PDLIM5: variants seen among roughly 807,000 people sequenced by gnomAD.
The protein encoded by PDLIM5 is PDZ and LIM domain protein 5.
In PDLIM5, 34 loss-of-function variants were observed where a neutral mutation model predicts 64.2. That is an observed-to-expected ratio of 0.53 (90% CI 0.40 to 0.71). The LOEUF is 0.71. Ranked by LOEUF, PDLIM5 falls within the 30% of genes least tolerant of loss-of-function variation. The pLI, the probability that PDLIM5 is intolerant of heterozygous loss-of-function variation, is 0.00. For synonymous variants in PDLIM5, 253 were observed against 269.1 expected, an observed-to-expected ratio of 0.94 and a Z score of 0.59; for missense variants, 683 against 733.6, an observed-to-expected ratio of 0.93 and a Z score of 0.80.
At chr4:94,611,209 G>C in intron 7 of PDLIM5, 1 of 1,533,080 alleles carries the variant, frequency 6.5e-7, no homozygotes, top group East Asian at 2.4e-5. Flanking sequence ...AGGTACTGTG[G>C]GAGCAGATAT....
intron 8 of PDLIM5, among the ~76,000 whole-genome samples, chr4:94,624,827 A>G (rs1739537591): frequency 6.6e-6 from 1 of 152,174 alleles, no homozygotes; most frequent in Non-Finnish European, 1.5e-5. Context: ...GGGGGTTTTG[A>G]ATGTAAGAGT....
chr4:94,590,622 G>A (rs188026709), intron 7 of PDLIM5, among the ~76,000 whole-genome samples: 17 of 152,268 alleles, frequency 1.1e-4, no homozygotes, highest in Admixed American at 1.1e-3. Context: ...CTGAGGAGAC[G>A]ACCTTAATGC....
At chr4:94,553,410 A>G (rs1246555936) in intron 3 of PDLIM5, among the ~76,000 whole-genome samples, 2 of 152,174 alleles carry the variant, frequency 1.3e-5, no homozygotes, top group African/African-American at 2.4e-5. Context: ...CACCCAGCCA[A>G]ATGATCGGTT....
rs1014233647 is a variant in PDLIM5, at chr4:94,599,292, A to G, written c.920+12848A>G. 2.3e-4 allele frequency among the ~76,000 whole-genome samples: 35 copies of G among 152,278 alleles called. 1 individual carries two copies. Among genetic ancestry groups the G allele is most frequent in the African/African-American group, 8.2e-4 (34 of 41,562 alleles). The stretch of plus-strand genomic sequence containing the variant: ...AGAGCATTGGATAGGTTTGTATTTT[A>G]GACAAAGAGCTGATAGGTGTATAGA... On this transcript the variant is annotated intron_variant, in intron 7 of 12. Coordinates refer to ENST00000317968, the MANE Select transcript of PDLIM5 (RefSeq NM_006457.5).
At chr4:94,587,075 T>A in intron 7 of PDLIM5, 1 of 1,609,094 alleles carries the variant, frequency 6.2e-7, no homozygotes, top group Non-Finnish European at 8.5e-7. Flanking sequence ...GCTCTTAACG[T>A]ACAGTGATTT....
chr4:94,528,120 A>G (rs1379071055), intron 3 of PDLIM5, among the ~76,000 whole-genome samples: 3 of 152,130 alleles, frequency 2.0e-5, no homozygotes, highest in East Asian at 1.9e-4. Context: ...TCCATTTAGG[A>G]TAGGTTTCTC....
At chr4:94,572,085 G>A (rs1734853871) in intron 3 of PDLIM5, among the ~76,000 whole-genome samples, 1 of 152,068 alleles carries the variant, frequency 6.6e-6, no homozygotes, top group Non-Finnish European at 1.5e-5. Flanking sequence ...TATACTCATA[G>A]AGACCGAATA....
At chr4:94,454,957 T>C (rs1056294232) in intron 1 of PDLIM5, among the ~76,000 whole-genome samples, 1 of 152,232 alleles carries the variant, frequency 6.6e-6, no homozygotes, top group African/African-American at 2.4e-5. Context: ...TACTTTGAGT[T>C]AAACTTTGCA....
intron 3 of PDLIM5, among the ~76,000 whole-genome samples, chr4:94,570,702 G>A (rs1321009267): frequency 6.6e-6 from 1 of 152,112 alleles, no homozygotes; most frequent in Non-Finnish European, 1.5e-5. Context: ...TTCTAGAGTT[G>A]CTTTGTTATT....
At chr4:94,656,107 AAAATTTAAAGAAT>A (rs1419255810) in intron 10 of PDLIM5, among the ~76,000 whole-genome samples, 1 of 152,246 alleles carries the variant, frequency 6.6e-6, no homozygotes, top group Non-Finnish European at 1.5e-5. Context: ...GAAAACACAA[AAAATTTAAAGAAT>A]AAATTTAAAT....
At chr4:94,506,110 T>C (rs1374360051) in intron 2 of PDLIM5, among the ~76,000 whole-genome samples, 1 of 152,168 alleles carries the variant, frequency 6.6e-6, no homozygotes, top group Non-Finnish European at 1.5e-5. Flanking sequence ...TTAGGAGCTG[T>C]AAGCTAGGAA....
intron 7 of PDLIM5, among the ~76,000 whole-genome samples, chr4:94,590,030 C>T (rs1248389341): frequency 1.3e-5 from 2 of 152,080 alleles, no homozygotes; most frequent in Non-Finnish European, 2.9e-5. Context: ...GCCTGTGCCT[C>T]GGCCTCCCAA....
chr4:94,561,873 A>T (rs1024548795), intron 3 of PDLIM5, among the ~76,000 whole-genome samples: 1 of 152,212 alleles, frequency 6.6e-6, no homozygotes, highest in Non-Finnish European at 1.5e-5. Context: ...TGTTGGAACA[A>T]CACATATAGT....
Position 94,665,576 on chromosome 4 carries a change from G to A in PDLIM5, c.*1509G>A. The A allele has an allele frequency of 5.8e-6, 1 of 171,764 alleles. No individual in the cohort carries two copies. The highest frequency in any genetic ancestry group is 7.2e-6 in the Non-Finnish European group (1 of 138,804). 10.6% of individuals were successfully genotyped at this position (171,764 alleles called of 1,614,324 possible). A position where few individuals can be genotyped will look rare whatever the true frequency, so the allele number is the denominator to read the frequency against. On this transcript the variant is annotated 3_prime_UTR_variant, in exon 13 of 13. Transcript: ENST00000317968. Reference sequence around the variant, plus strand: ...AATCAGAAGATTATACCCCCCAATTGTTTTTCAATCCCCTTTTCTCAAATA... The same window carrying A: ...AATCAGAAGATTATACCCCCCAATTATTTTTCAATCCCCTTTTCTCAAATA...
intron 2 of PDLIM5, among the ~76,000 whole-genome samples, chr4:94,457,789 C>A (rs1723511806): frequency 6.6e-6 from 1 of 152,242 alleles, no homozygotes; most frequent in African/African-American, 2.4e-5. Context: ...GTGCCCTCCC[C>A]TGGCACAGAA....
At chr4:94,577,299 G>T in intron 5 of PDLIM5, 1 of 456,558 alleles carries the variant, frequency 2.2e-6, no homozygotes, top group Non-Finnish European at 4.4e-6. Flanking sequence ...CTGTAATGAA[G>T]AGGCTGTGCT....
rs1294041964 is a variant in PDLIM5, at chr4:94,664,298, A to G, written c.*231A>G. The G allele has an allele frequency of 2.3e-6, 2 of 861,706 alleles. No individual in the cohort carries two copies. Among genetic ancestry groups the G allele is most frequent in the African/African-American group, 3.6e-5 (2 of 55,926 alleles). The allele number at this position is 861,706 out of a possible 1,614,324, so 53.4% of individuals were successfully genotyped here. A position where few individuals can be genotyped will look rare whatever the true frequency, so the allele number is the denominator to read the frequency against. On this transcript the variant is annotated 3_prime_UTR_variant, in exon 13 of 13. Transcript: ENST00000317968. ...TTCCTGTATTTTATGCCCATAAAATAAGCTTTATAAAAACCAATTTCCTGA... is the reference window on the plus strand; with the variant it reads ...TTCCTGTATTTTATGCCCATAAAATGAGCTTTATAAAAACCAATTTCCTGA...
chr4:94,509,281 A>C (rs937041219), intron 2 of PDLIM5, among the ~76,000 whole-genome samples: 10 of 152,068 alleles, frequency 6.6e-5, no homozygotes, highest in African/African-American at 2.2e-4. Flanking sequence ...GTCTTCCCTG[A>C]CTACCCAAAC....
At chr4:94,457,176 C>T (rs1723451979) in intron 2 of PDLIM5, 2 of 973,888 alleles carry the variant, frequency 2.1e-6, no homozygotes, top group Admixed American at 1.2e-4. Flanking sequence ...TAAAATACTG[C>T]AAATCCCATT....
Sources: allele counts gnomAD v4.1 joint callset (sites outside exome capture counted in the v4.1 genomes callset), GRCh38; gene constraint gnomAD v4.1.1; transcripts MANE v1.5; gene names NCBI Gene and HGNC (gene_info 2026-07-23, HGNC 2026-07-21).